ASAP1: variants seen among roughly 807,000 people sequenced by gnomAD.
The protein encoded by ASAP1 is arf-GAP with SH3 domain, ANK repeat and PH domain-containing protein 1.
A neutral mutation model predicts 145.2 loss-of-function variants in ASAP1; 43 were observed. The observed-to-expected ratio is 0.30, with a 90% CI of 0.23 to 0.38. The LOEUF (loss-of-function observed/expected upper bound fraction) is 0.38. Among genes scored for constraint, ASAP1 ranks in the 10% least tolerant of loss-of-function variants. ASAP1 has a pLI of 1.00. For synonymous variants in ASAP1, 546 were observed against 515.5 expected (o/e 1.06, Z -0.80); for missense variants, 1,018 against 1,355.3 (o/e 0.75, Z 3.91).
At chr8:130,237,713 T>G (rs1029983510) in intron 3 of ASAP1, among the ~76,000 whole-genome samples, 1 of 152,070 alleles carries the variant, frequency 6.6e-6, no homozygotes, top group Admixed American at 6.6e-5. Context: ...GGATATACCA[T>G]TGTGTTTAGT....
intron 6 of ASAP1, 56 bp downstream of exon 6, chr8:130,188,053 A>G (rs1814863538): frequency 8.7e-7 from 1 of 1,154,054 alleles, no homozygotes; most frequent in Admixed American, 2.3e-5. Context: ...TTGAAAGAGG[A>G]AAAAAAAAAT....
intron 3 of ASAP1, among the ~76,000 whole-genome samples, chr8:130,290,903 G>C (rs1821905494): frequency 6.6e-6 from 1 of 152,166 alleles, no homozygotes; most frequent in Non-Finnish European, 1.5e-5. Context: ...AAGGGAGTAA[G>C]GATTTTAAGG....
At chr8:130,062,535 C>A (rs1008176367) in intron 27 of ASAP1, among the ~76,000 whole-genome samples, 1 of 152,134 alleles carries the variant, frequency 6.6e-6, no homozygotes. Flanking sequence ...CTGAGCCAGG[C>A]AGTCAAGAGG....
At chr8:130,163,412 G>T (rs964717797) in intron 11 of ASAP1, among the ~76,000 whole-genome samples, 1 of 152,180 alleles carries the variant, frequency 6.6e-6, no homozygotes. Flanking sequence ...GAATGTGCTT[G>T]CTTTACATCA....
At chr8:130,348,074 T>C (rs1007542047) in intron 3 of ASAP1, among the ~76,000 whole-genome samples, 14 of 152,200 alleles carry the variant, frequency 9.2e-5, no homozygotes, top group African/African-American at 2.9e-4. Context: ...TGCGTCATAA[T>C]AACATAGTCC....
At chr8:130,287,170 GA>G (rs1394401911) in intron 3 of ASAP1, among the ~76,000 whole-genome samples, 1 of 135,348 alleles carries the variant, frequency 7.4e-6, no homozygotes, top group Non-Finnish European at 1.7e-5. Flanking sequence ...AGAGTTCAAG[GA>G]CTGAACTTTA....
intron 5 of ASAP1, among the ~76,000 whole-genome samples, chr8:130,205,382 G>GAAA (rs771590453): frequency 2.1e-4 from 12 of 57,036 alleles, no homozygotes; most frequent in African/African-American, 4.8e-4. Flanking sequence ...ATCCTTATAA[G>GAAA]AAAAAAAAAA....
chr8:130,105,681 A>G (rs1356604722), intron 24 of ASAP1, among the ~76,000 whole-genome samples: 1 of 152,180 alleles, frequency 6.6e-6, no homozygotes, highest in Non-Finnish European at 1.5e-5. Flanking sequence ...ACAAAGAAGG[A>G]CTCAGTGTAG....
chr8:130,159,425 A>C (rs62524649), intron 12 of ASAP1, among the ~76,000 whole-genome samples: 25,305 of 151,850 alleles, frequency 0.17, 2,749 homozygotes, highest in East Asian at 0.44. Context: ...GATCGAGACC[A>C]ACCTGGCTAA....
At chr8:130,306,711 G>A (rs185376581) in intron 3 of ASAP1, among the ~76,000 whole-genome samples, 2 of 152,142 alleles carry the variant, frequency 1.3e-5, no homozygotes, top group East Asian at 1.9e-4. Context: ...ATATATTTAG[G>A]GTAAACTTTA....
intron 3 of ASAP1, among the ~76,000 whole-genome samples, chr8:130,286,097 C>G (rs911832099): frequency 6.6e-6 from 1 of 152,138 alleles, no homozygotes; most frequent in African/African-American, 2.4e-5. Flanking sequence ...ATTTGCCAGG[C>G]AGAATTATTT....
At chr8:130,318,318 G>T (rs1422372950) in intron 3 of ASAP1, among the ~76,000 whole-genome samples, 1 of 152,208 alleles carries the variant, frequency 6.6e-6, no homozygotes, top group Non-Finnish European at 1.5e-5. Context: ...CTGGCTTCAA[G>T]TGATCCTCCT....
intron 25 of ASAP1, among the ~76,000 whole-genome samples, chr8:130,080,474 CTCTCTTT>C (rs1254781820): frequency 1.1e-5 from 1 of 92,618 alleles, no homozygotes; most frequent in Non-Finnish European, 2.5e-5. Context: ...CATTCATTCT[CTCTCTTT>C]TTTTTTTTTT....
chr8:130,061,100 T>C (rs1181389630), intron 27 of ASAP1, 31 bp from the exon 28 acceptor site: 37 of 1,518,768 alleles, frequency 2.4e-5, no homozygotes, highest in Middle Eastern at 1.8e-4. Flanking sequence ...AAGGAGGTCA[T>C]TGGTGGGAAG....
intron 3 of ASAP1, among the ~76,000 whole-genome samples, chr8:130,325,392 G>A (rs1276258897): frequency 6.6e-6 from 1 of 152,164 alleles, no homozygotes; most frequent in Non-Finnish European, 1.5e-5. Context: ...CACTATGCTT[G>A]CCTCGTGTGA....
At chr8:130,367,727 A>G (rs1249006822) in intron 2 of ASAP1, among the ~76,000 whole-genome samples, 1 of 152,214 alleles carries the variant, frequency 6.6e-6, no homozygotes, top group Admixed American at 6.5e-5. Flanking sequence ...AGAGGTCCCC[A>G]GCTCTGCTTC....
intron 12 of ASAP1, among the ~76,000 whole-genome samples, chr8:130,153,359 G>GTATATATATATATATATATATACGTATA (rs2097651379): frequency 3.5e-5 from 1 of 28,912 alleles, no homozygotes; most frequent in African/African-American, 1.0e-4. Context: ...ATATATATAT[G>GTATATATATATATATATATATACGTATA]TATATATATA....
At chr8:130,334,185 T>C (rs1181384833) in intron 3 of ASAP1, among the ~76,000 whole-genome samples, 2 of 151,910 alleles carry the variant, frequency 1.3e-5, no homozygotes, top group Non-Finnish European at 2.9e-5. Flanking sequence ...TTAAGGAGAG[T>C]GGACATTATC....
intron 3 of ASAP1, among the ~76,000 whole-genome samples, chr8:130,295,779 T>C (rs1197583508): frequency 1.3e-5 from 2 of 150,852 alleles, no homozygotes; most frequent in Non-Finnish European, 3.0e-5. Context: ...TGGCACAAGA[T>C]TTTTTTTTTC....
Sources: gnomAD v4.1 joint callset for allele counts (sites outside exome capture counted in the v4.1 genomes callset) on GRCh38, gnomAD v4.1.1 for gene constraint, MANE v1.5 for transcripts, NCBI Gene and HGNC (gene_info 2026-07-23, HGNC 2026-07-21) for gene names.